Variants in LRBA observed in about 807,000 individuals in gnomAD.
LRBA encodes the protein LPS responsive beige-like anchor protein, also known as lipopolysaccharide-responsive and beige-like anchor protein.
A neutral mutation model predicts 330.0 loss-of-function variants in LRBA; 176 were observed. The ratio of observed to expected loss-of-function variants is 0.53; its 90% CI spans 0.47 to 0.60. The LOEUF (loss-of-function observed/expected upper bound fraction) is 0.60, where lower values mean the gene tolerates loss of function less well. Ranked by LOEUF, LRBA falls within the 20% of genes least tolerant of loss-of-function variation. LRBA has a pLI of 0.00. For missense variants in LRBA, 3,259 were observed against 3,444.8 expected (o/e 0.95, Z 1.35); for synonymous variants, 1,230 against 1,193.0 (o/e 1.03, Z -0.64).
chr4:150,836,251 T>C (rs1420545809), intron 28 of LRBA, among the ~76,000 whole-genome samples: 1 of 152,148 alleles, frequency 6.6e-6, no homozygotes, highest in Non-Finnish European at 1.5e-5. Flanking sequence ...GGGATATTGG[T>C]CTAAAATTCT....
At chr4:150,940,134 T>G (rs1372681685) in intron 2 of LRBA, among the ~76,000 whole-genome samples, 2 of 151,676 alleles carry the variant, frequency 1.3e-5, no homozygotes, top group Admixed American at 1.3e-4. Context: ...CTGGGCATAG[T>G]GGCTTATGCC....
chr4:150,674,358 A>G (rs1782340628), intron 37 of LRBA, among the ~76,000 whole-genome samples: 1 of 151,854 alleles, frequency 6.6e-6, no homozygotes, highest in South Asian at 2.1e-4. Context: ...ACAGCCTTTT[A>G]TTGTTCACCA....
rs182142113 is a variant in LRBA at position 150,345,266 on chromosome 4, C to A, written c.7362+4726G>T. On this transcript the variant is annotated intron_variant, in intron 48 of 56. Transcript: ENST00000651943. ...GAGGGCAGGGACTTTGCCTTTCAAC[C>A]CTTTAACCTTATTACATGATTCGGG... Among the ~76,000 whole-genome samples, 433 of 152,192 alleles carry A rather than the reference C, an allele frequency of 2.8e-3. 7 individuals carry two copies. Among genetic ancestry groups the A allele is most frequent in the Admixed American group, 0.027 (413 of 15,280 alleles).
At chr4:150,831,477 T>C (rs1747175944) in intron 29 of LRBA, among the ~76,000 whole-genome samples, 1 of 152,226 alleles carries the variant, frequency 6.6e-6, no homozygotes, top group South Asian at 2.1e-4. Context: ...CTACTTTTAA[T>C]ACTCCAATTA....
intron 47 of LRBA, among the ~76,000 whole-genome samples, chr4:150,411,842 G>C (rs1236379698): frequency 6.6e-6 from 1 of 152,164 alleles, no homozygotes; most frequent in Non-Finnish European, 1.5e-5. Flanking sequence ...TGCATTTCAT[G>C]AGCTGCAATC....
At chr4:150,892,722 A>G (rs542449763) in intron 17 of LRBA, among the ~76,000 whole-genome samples, 18 of 152,332 alleles carry the variant, frequency 1.2e-4, no homozygotes, top group African/African-American at 4.3e-4. Context: ...TTGGATTTCA[A>G]TTGAACACTA....
At chr4:150,348,527 A>G (rs1244193377) in intron 48 of LRBA, among the ~76,000 whole-genome samples, 2 of 152,248 alleles carry the variant, frequency 1.3e-5, no homozygotes, top group African/African-American at 4.8e-5. Flanking sequence ...CATAGTAAGT[A>G]CAACCAATTT....
chr4:150,344,190 G>A (rs563482774), intron 48 of LRBA, among the ~76,000 whole-genome samples: 8 of 152,132 alleles, frequency 5.3e-5, no homozygotes, highest in East Asian at 1.9e-4. Context: ...AACTGCTGGC[G>A]CATATAAAGA....
chr4:150,819,624 C>T (rs1440042503), intron 30 of LRBA, among the ~76,000 whole-genome samples: 1 of 152,018 alleles, frequency 6.6e-6, no homozygotes, highest in Non-Finnish European at 1.5e-5. Flanking sequence ...GCAATTCTTT[C>T]AACTTTTCTG....
chr4:150,641,405 T>C (rs1363431336), intron 37 of LRBA, among the ~76,000 whole-genome samples: 1 of 152,158 alleles, frequency 6.6e-6, no homozygotes, highest in Non-Finnish European at 1.5e-5. Context: ...AAATACATAA[T>C]GGCATCAAAT....
chr4:150,665,316 G>A (rs558418917), intron 37 of LRBA, among the ~76,000 whole-genome samples: 10 of 152,216 alleles, frequency 6.6e-5, no homozygotes, highest in East Asian at 1.9e-4. Context: ...CAACTACATC[G>A]TTTGGACAAA....
intron 37 of LRBA, among the ~76,000 whole-genome samples, chr4:150,654,834 G>A (rs1780030353): frequency 6.6e-6 from 1 of 151,998 alleles, no homozygotes; most frequent in Non-Finnish European, 1.5e-5. Context: ...GAGAATGATG[G>A]TTTCCAGCTT....
rs1748960716 is a variant in LRBA, at chr4:150,840,813, G to A, written c.4569+3287C>T. 8.6e-6 allele frequency: 5 copies of A among 581,832 alleles called. No homozygotes were observed. The South Asian group carries it at 2.0e-4, about 23-fold the overall frequency. 36.0% of individuals were successfully genotyped at this position (581,832 alleles called of 1,614,324 possible). Reference sequence around the variant, plus strand: ...CAATTTGTAAAAAATCCAGTAATCGGCAACATGCAATAGCAAAGCACAGTA... The same window carrying A: ...CAATTTGTAAAAAATCCAGTAATCGACAACATGCAATAGCAAAGCACAGTA... On this transcript the variant is annotated intron_variant, in intron 28 of 56. Coordinates refer to ENST00000651943, the MANE Select transcript of LRBA (RefSeq NM_001364905.1).
intron 37 of LRBA, among the ~76,000 whole-genome samples, chr4:150,629,058 GTTTTGT>G (rs1005229297): frequency 1.3e-5 from 2 of 151,818 alleles, no homozygotes; most frequent in African/African-American, 4.8e-5. Context: ...CACCACAGCT[GTTTTGT>G]TTTTGTTTTT....
intron 40 of LRBA, among the ~76,000 whole-genome samples, chr4:150,553,463 C>G (rs1312980358): frequency 6.6e-6 from 1 of 150,838 alleles, no homozygotes; most frequent in Non-Finnish European, 1.5e-5. Flanking sequence ...ACTTAAAGTA[C>G]AAAAAGAAAA....
At chr4:150,851,611 T>C (rs1482059676) in intron 23 of LRBA, among the ~76,000 whole-genome samples, 4 of 152,244 alleles carry the variant, frequency 2.6e-5, no homozygotes, top group Non-Finnish European at 5.9e-5. Flanking sequence ...TTCCAATATT[T>C]GTTTTATAAA....
intron 35 of LRBA, among the ~76,000 whole-genome samples, chr4:150,744,331 C>T (rs1732410120): frequency 6.6e-6 from 1 of 152,154 alleles, no homozygotes; most frequent in Admixed American, 6.5e-5. Context: ...GCACACTATC[C>T]TACTAGTCCC....
intron 46 of LRBA, chr4:150,422,666 C>T (rs962503720): frequency 9.9e-5 from 66 of 664,344 alleles, no homozygotes; most frequent in Admixed American, 9.1e-4. Flanking sequence ...GGCACTGCTC[C>T]GGCTCCTCTA....
intron 13 of LRBA, among the ~76,000 whole-genome samples, chr4:150,904,290 A>G (rs1731073108): frequency 6.6e-6 from 1 of 152,170 alleles, no homozygotes; most frequent in South Asian, 2.1e-4. Flanking sequence ...CATGATAAAC[A>G]TTTGACCTTC....
Sources: allele counts gnomAD v4.1 joint callset (sites outside exome capture counted in the v4.1 genomes callset), GRCh38; gene constraint gnomAD v4.1.1; transcripts MANE v1.5; gene names NCBI Gene and HGNC (gene_info 2026-07-23, HGNC 2026-07-21).